TMEFF2: variants seen among roughly 807,000 people sequenced by gnomAD.
TMEFF2 encodes the protein tomoregulin-2.
Under a neutral mutation model 53.8 loss-of-function variants are expected in TMEFF2, and 28 were observed. That is an observed-to-expected ratio of 0.52 (90% CI 0.39 to 0.71). The LOEUF (loss-of-function observed/expected upper bound fraction) is 0.71. Ranked by LOEUF, TMEFF2 falls within the 30% of genes least tolerant of loss-of-function variation. The probability of loss-of-function intolerance (pLI) is 0.00; values close to 1 mark genes in which losing one functional copy is unlikely to be tolerated. For missense variants in TMEFF2, 353 were observed against 455.2 expected (o/e 0.78, Z 2.04); for synonymous variants, 162 against 166.3 (o/e 0.97, Z 0.20).
intron 5 of TMEFF2, among the ~76,000 whole-genome samples, chr2:192,003,682 TAAATA>T (rs1457579532): frequency 1.3e-5 from 2 of 152,182 alleles, no homozygotes; most frequent in African/African-American, 4.8e-5. Context: ...ATTTTATCCT[TAAATA>T]AAATGCTATA....
At chr2:192,162,023 G>T (rs1274858805) in intron 4 of TMEFF2, among the ~76,000 whole-genome samples, 1 of 152,140 alleles carries the variant, frequency 6.6e-6, no homozygotes, top group Non-Finnish European at 1.5e-5. Context: ...CCTTGAAGAA[G>T]AAAAAGGAAT....
intron 4 of TMEFF2, among the ~76,000 whole-genome samples, chr2:192,113,808 C>G (rs968641852): frequency 6.6e-6 from 1 of 151,840 alleles, no homozygotes; most frequent in African/African-American, 2.4e-5. Flanking sequence ...ATTCACCAAG[C>G]ACTTTATTGT....
At chr2:191,960,162 T>C (rs1458847227) in intron 7 of TMEFF2, among the ~76,000 whole-genome samples, 1 of 152,118 alleles carries the variant, frequency 6.6e-6, no homozygotes, top group Admixed American at 6.6e-5. Context: ...CGTGAGTCAC[T>C]ACACCCAGCC....
intron 9 of TMEFF2, among the ~76,000 whole-genome samples, chr2:191,952,544 A>G (rs1361988590): frequency 1.3e-5 from 2 of 152,094 alleles, no homozygotes; most frequent in African/African-American, 4.8e-5. Flanking sequence ...CTATTTTAAT[A>G]TAATCACTTG....
chr2:191,961,998 G>A (rs1233805517), intron 7 of TMEFF2, among the ~76,000 whole-genome samples: 2 of 152,086 alleles, frequency 1.3e-5, no homozygotes, highest in Admixed American at 6.6e-5. Flanking sequence ...CTAGCATGAG[G>A]GACACAGAGA....
intron 4 of TMEFF2, among the ~76,000 whole-genome samples, chr2:192,105,267 TA>T (rs1269308199): frequency 6.6e-6 from 1 of 151,934 alleles, no homozygotes; most frequent in African/African-American, 2.4e-5. Flanking sequence ...AAATTAATAT[TA>T]TTTTTCACAT....
At chr2:192,150,529 A>G (rs1240043905) in intron 4 of TMEFF2, among the ~76,000 whole-genome samples, 1 of 151,846 alleles carries the variant, frequency 6.6e-6, no homozygotes, top group Non-Finnish European at 1.5e-5. Flanking sequence ...ACTCTGCAGT[A>G]ATGCATAGAA....
intron 5 of TMEFF2, among the ~76,000 whole-genome samples, chr2:192,013,005 A>G (rs543106846): frequency 5.7e-4 from 87 of 152,334 alleles, no homozygotes; most frequent in African/African-American, 2.0e-3. Context: ...GAAATAAGAG[A>G]GTTTCTGAAT....
intron 5 of TMEFF2, among the ~76,000 whole-genome samples, chr2:192,016,578 C>T (rs768967866): frequency 6.6e-6 from 1 of 152,224 alleles, no homozygotes; most frequent in Non-Finnish European, 1.5e-5. Context: ...TACAGCCTTT[C>T]ACACTTTCAT....
At chr2:192,158,698 A>G (rs1048103706) in intron 4 of TMEFF2, among the ~76,000 whole-genome samples, 2 of 152,090 alleles carry the variant, frequency 1.3e-5, no homozygotes, top group Non-Finnish European at 2.9e-5. Flanking sequence ...TAAGGATTCA[A>G]GGTATTAATC....
chr2:192,004,013 G>A (rs1686436391), intron 5 of TMEFF2, among the ~76,000 whole-genome samples: 1 of 151,226 alleles, frequency 6.6e-6, no homozygotes, highest in Non-Finnish European at 1.5e-5. Flanking sequence ...CTACTTTTCT[G>A]CAACCTTCTC....
At chr2:192,026,346 T>C (rs1257969908) in intron 5 of TMEFF2, among the ~76,000 whole-genome samples, 1 of 152,168 alleles carries the variant, frequency 6.6e-6, no homozygotes, top group Non-Finnish European at 1.5e-5. Context: ...CATAACCCTA[T>C]AGCAGCTCAC....
At chr2:192,005,791 A>T (rs539521244) in intron 5 of TMEFF2, among the ~76,000 whole-genome samples, 4 of 152,328 alleles carry the variant, frequency 2.6e-5, no homozygotes, top group African/African-American at 7.2e-5. Flanking sequence ...CAGTAAAAAC[A>T]GTGTGTACCT....
At chr2:191,980,985 C>T (rs1198419166) in intron 7 of TMEFF2, among the ~76,000 whole-genome samples, 3 of 152,108 alleles carry the variant, frequency 2.0e-5, no homozygotes, top group African/African-American at 4.8e-5. Flanking sequence ...ATCCACAACA[C>T]TCATTCTTCA....
intron 5 of TMEFF2, among the ~76,000 whole-genome samples, chr2:192,057,228 T>A (rs1006230778): frequency 4.0e-5 from 6 of 151,552 alleles, no homozygotes; most frequent in African/African-American, 1.5e-4. Context: ...TATTTTTTTT[T>A]ATGGAGATGT....
intron 3 of TMEFF2, among the ~76,000 whole-genome samples, chr2:192,184,137 C>T (rs993245295): frequency 6.6e-6 from 1 of 152,050 alleles, no homozygotes; most frequent in Non-Finnish European, 1.5e-5. Flanking sequence ...CTTAAATCTA[C>T]CAGTGTCCTT....
At chr2:192,100,968 T>C (rs1689019057) in intron 4 of TMEFF2, among the ~76,000 whole-genome samples, 1 of 152,184 alleles carries the variant, frequency 6.6e-6, no homozygotes, top group Non-Finnish European at 1.5e-5. Context: ...TAGCTATCTG[T>C]GAGTAGAACA....
intron 5 of TMEFF2, among the ~76,000 whole-genome samples, chr2:192,005,491 A>G (rs549947399): frequency 6.6e-6 from 1 of 152,360 alleles, no homozygotes; most frequent in South Asian, 2.1e-4. Context: ...TGTTTCATCT[A>G]TTAAACATGG....
At chr2:192,182,095 G>T (rs78634441) in intron 3 of TMEFF2, among the ~76,000 whole-genome samples, 2,987 of 151,758 alleles carry the variant, frequency 0.02, 101 homozygotes, top group African/African-American at 0.067. Flanking sequence ...CCATTGAGCA[G>T]ATTTCACAAT....
Sources: gnomAD v4.1 joint callset for allele counts (sites outside exome capture counted in the v4.1 genomes callset) on GRCh38, gnomAD v4.1.1 for gene constraint, MANE v1.5 for transcripts, NCBI Gene and HGNC (gene_info 2026-07-23, HGNC 2026-07-21) for gene names.